Variants in RPS6KC1 observed in about 807,000 individuals in gnomAD.
The protein encoded by RPS6KC1 is inactive ribosomal protein S6 kinase delta-1.
RPS6KC1 carries 54 observed loss-of-function variants against 103.8 expected under a neutral mutation model. The observed-to-expected ratio is 0.52, with a 90% confidence interval of 0.42 to 0.65. The LOEUF (loss-of-function observed/expected upper bound fraction) is 0.65. Ranked by LOEUF, RPS6KC1 falls within the 30% of genes least tolerant of loss-of-function variation. The pLI, the probability that RPS6KC1 is intolerant of heterozygous loss-of-function variation, is 0.00. For missense variants in RPS6KC1, 1,151 were observed against 1,253.8 expected (o/e 0.92, Z 1.24); for synonymous variants, 439 against 438.7 (o/e 1.00, Z -0.01).
chr1:213,357,129 T>G, the RPS6KC1 span, among the ~76,000 whole-genome samples: 1 of 151,138 alleles, frequency 6.6e-6, no homozygotes, highest in Admixed American at 6.6e-5. Context: ...CTGGGATTAT[T>G]GTTTAAAAAT....
the RPS6KC1 span, among the ~76,000 whole-genome samples, chr1:213,568,019 G>A: frequency 1.3e-5 from 2 of 152,176 alleles, no homozygotes; most frequent in Admixed American, 6.5e-5. Context: ...AGCATTTGAT[G>A]TCCCATATGG....
At chr1:213,227,506 T>C (rs2093988587) in intron 8 of RPS6KC1, among the ~76,000 whole-genome samples, 1 of 152,224 alleles carries the variant, frequency 6.6e-6, no homozygotes, top group Non-Finnish European at 1.5e-5. Context: ...GAAATCAAGA[T>C]GGTGGCAAGA....
chr1:213,192,363 CTT>C (rs2092779428), intron 8 of RPS6KC1, among the ~76,000 whole-genome samples: 1 of 151,916 alleles, frequency 6.6e-6, no homozygotes, highest in Non-Finnish European at 1.5e-5. Flanking sequence ...TTTGATGTAT[CTT>C]TGGTTTTCAT....
the RPS6KC1 span, among the ~76,000 whole-genome samples, chr1:213,334,362 A>G: frequency 6.6e-6 from 1 of 152,154 alleles, no homozygotes; most frequent in African/African-American, 2.4e-5. Flanking sequence ...TGAATCGATG[A>G]TATTAGGAGA....
intron 1 of RPS6KC1, 86 bp from the exon 2 acceptor site, chr1:213,070,920 A>G (rs922511345): frequency 9.7e-6 from 8 of 827,320 alleles, no homozygotes; most frequent in Admixed American, 3.1e-5. Context: ...AATTTTTCAT[A>G]CAAATACTAT....
chr1:213,375,537 C>T, the RPS6KC1 span, among the ~76,000 whole-genome samples: 3 of 152,206 alleles, frequency 2.0e-5, no homozygotes, highest in Admixed American at 6.5e-5. Context: ...CACTTGCCAT[C>T]GGATCCCCCA....
chr1:213,547,462 A>T, the RPS6KC1 span, among the ~76,000 whole-genome samples: 1 of 152,228 alleles, frequency 6.6e-6, no homozygotes, highest in Non-Finnish European at 1.5e-5. Flanking sequence ...ATTTGACGTT[A>T]TCTAGCAAAA....
At chr1:213,656,495 G>A in the RPS6KC1 span, among the ~76,000 whole-genome samples, 32 of 152,190 alleles carry the variant, frequency 2.1e-4, no homozygotes, top group Admixed American at 2.0e-4. Flanking sequence ...GTCACCCTTG[G>A]AATCACAGGT....
At chr1:213,751,618 G>C in the RPS6KC1 span, among the ~76,000 whole-genome samples, 56 of 152,146 alleles carry the variant, frequency 3.7e-4, no homozygotes, top group Non-Finnish European at 7.5e-4. Context: ...GCAGGTGAGT[G>C]CCCCAGAGGA....
chr1:213,397,133 T>G, the RPS6KC1 span, among the ~76,000 whole-genome samples: 2 of 152,166 alleles, frequency 1.3e-5, no homozygotes, highest in Non-Finnish European at 2.9e-5. Flanking sequence ...GGTTGAGAAT[T>G]CTTATGGTAC....
At chr1:213,608,127 A>G in the RPS6KC1 span, among the ~76,000 whole-genome samples, 1 of 152,130 alleles carries the variant, frequency 6.6e-6, no homozygotes. Flanking sequence ...CTTGGAGGGT[A>G]GGTGTTTGGG....
chr1:213,511,854 C>T, the RPS6KC1 span, among the ~76,000 whole-genome samples: 1 of 152,286 alleles, frequency 6.6e-6, no homozygotes, highest in South Asian at 2.1e-4. Flanking sequence ...AGGCACTTGT[C>T]ACCTTCTAAT....
rs1225985223 is a variant in RPS6KC1 at position 213,168,103 on chromosome 1, G to A, written c.951+130G>A. 1.1e-5 allele frequency: 6 copies of A among 562,930 alleles called. No individual in the cohort carries two copies. The Admixed American group carries it at 2.1e-4, about 20-fold the overall frequency. The allele number at this position is 562,930 out of a possible 1,614,324, so 34.9% of individuals were successfully genotyped here. ...TTTATTAATGATTTTCATAAAGGTT[G>A]TTGGTAGAAAGAAATGCATTATAGC... On this transcript the variant is annotated intron_variant, in intron 7 of 14. Transcript: ENST00000366960.
chr1:213,856,867 A>G, the RPS6KC1 span, among the ~76,000 whole-genome samples: 1 of 152,224 alleles, frequency 6.6e-6, no homozygotes. Flanking sequence ...ACCTAGCACC[A>G]GTCACTTAAG....
At chr1:213,205,757 C>A (rs1034459614) in intron 8 of RPS6KC1, among the ~76,000 whole-genome samples, 1 of 151,082 alleles carries the variant, frequency 6.6e-6, no homozygotes, top group African/African-American at 2.4e-5. Context: ...TATTCTGTAT[C>A]CCTATCAGTT....
chr1:213,606,002 G>A, the RPS6KC1 span, among the ~76,000 whole-genome samples: 1 of 152,224 alleles, frequency 6.6e-6, no homozygotes, highest in Non-Finnish European at 1.5e-5. Context: ...AAGATAATGA[G>A]AAACGCTTCC....
At chr1:213,324,156 T>G in the RPS6KC1 span, among the ~76,000 whole-genome samples, 2 of 152,208 alleles carry the variant, frequency 1.3e-5, no homozygotes, top group African/African-American at 4.8e-5. Flanking sequence ...GTATTTGGAA[T>G]AAGAGAACAA....
chr1:213,301,124 C>T, the RPS6KC1 span, among the ~76,000 whole-genome samples: 1 of 152,224 alleles, frequency 6.6e-6, no homozygotes, highest in Non-Finnish European at 1.5e-5. Context: ...CATATATCCA[C>T]TTTCCATCCT....
intron 8 of RPS6KC1, among the ~76,000 whole-genome samples, chr1:213,192,331 G>A (rs1028801570): frequency 2.0e-5 from 3 of 152,072 alleles, no homozygotes; most frequent in Admixed American, 6.6e-5. Flanking sequence ...CATCAGTCAT[G>A]TTGTTCTATG....
Sources: gnomAD v4.1 joint callset for allele counts (sites outside exome capture counted in the v4.1 genomes callset) on GRCh38, gnomAD v4.1.1 for gene constraint, MANE v1.5 for transcripts, NCBI Gene and HGNC (gene_info 2026-07-23, HGNC 2026-07-21) for gene names.